PTPRD: variants seen among roughly 807,000 people sequenced by gnomAD.
PTPRD encodes the protein protein tyrosine phosphatase receptor type D.
Under a neutral mutation model 214.5 loss-of-function variants are expected in PTPRD, and 34 were observed. The ratio of observed to expected loss-of-function variants is 0.16; its 90% CI spans 0.12 to 0.21. PTPRD has a LOEUF of 0.21. Ranked by LOEUF, PTPRD falls within the 10% of genes least tolerant of loss-of-function variation. The pLI, the probability that PTPRD is intolerant of heterozygous loss-of-function variation, is 1.00. For missense variants in PTPRD, 2,545 were observed against 2,398.7 expected (o/e 1.06, Z -1.27); for synonymous variants, 1,128 against 845.7 (o/e 1.33, Z -5.79).
chr9:9,177,783 G>T (rs1349960375), intron 10 of PTPRD, among the ~76,000 whole-genome samples: 1 of 151,988 alleles, frequency 6.6e-6, no homozygotes, highest in African/African-American at 2.4e-5. Flanking sequence ...CTATAAAAAT[G>T]GCTTTGTACT....
intron 9 of PTPRD, among the ~76,000 whole-genome samples, chr9:9,226,308 G>T (rs558990716): frequency 6.6e-6 from 1 of 151,694 alleles, no homozygotes; most frequent in South Asian, 2.1e-4. Context: ...GCTATTATTT[G>T]GATGAAAAAT....
At chr9:9,669,366 C>T (rs1038291671) in intron 7 of PTPRD, among the ~76,000 whole-genome samples, 12 of 152,116 alleles carry the variant, frequency 7.9e-5, no homozygotes, top group East Asian at 3.9e-4. Context: ...CTGGACCAAA[C>T]GTAGGTAATC....
intron 11 of PTPRD, among the ~76,000 whole-genome samples, chr9:8,774,277 T>A (rs996408128): frequency 1.4e-4 from 21 of 152,106 alleles, no homozygotes; most frequent in African/African-American, 4.6e-4. Flanking sequence ...TAGCATACCT[T>A]ATAAGAAATT....
chr9:9,692,788 T>C (rs1356846547), intron 7 of PTPRD, among the ~76,000 whole-genome samples: 2 of 152,016 alleles, frequency 1.3e-5, no homozygotes, highest in African/African-American at 4.8e-5. Flanking sequence ...TTTTTTTTAG[T>C]GGCCTCTTAA....
chr9:9,837,580 T>C (rs1039787851), intron 5 of PTPRD, among the ~76,000 whole-genome samples: 1 of 152,058 alleles, frequency 6.6e-6, no homozygotes, highest in Non-Finnish European at 1.5e-5. Flanking sequence ...TTTTGACTTT[T>C]GATGGGGTAA....
At chr9:9,524,005 TG>T (rs1284650930) in intron 8 of PTPRD, among the ~76,000 whole-genome samples, 1 of 152,122 alleles carries the variant, frequency 6.6e-6, no homozygotes, top group African/African-American at 2.4e-5. Flanking sequence ...CAATCATTCA[TG>T]GATGGACAAA....
chr9:10,374,736 GA>G (rs917747452), intron 2 of PTPRD, among the ~76,000 whole-genome samples: 1 of 151,888 alleles, frequency 6.6e-6, no homozygotes, highest in Non-Finnish European at 1.5e-5. Context: ...CACTTGATTA[GA>G]AAAAAATGAA....
At chr9:8,773,507 T>C (rs1324503047) in intron 11 of PTPRD, among the ~76,000 whole-genome samples, 4 of 152,208 alleles carry the variant, frequency 2.6e-5, no homozygotes, top group African/African-American at 7.2e-5. Context: ...TGAGGACCAC[T>C]GTTGCATGTA....
chr9:9,243,717 T>A (rs1383422497), intron 9 of PTPRD, among the ~76,000 whole-genome samples: 2 of 152,156 alleles, frequency 1.3e-5, no homozygotes, highest in Non-Finnish European at 2.9e-5. Context: ...GCATTCCCCT[T>A]GAAAACTGGC....
Position 8,331,569 on chromosome 9 carries a change from A to AATGGAAACTT in PTPRD, c.5534+3_5534+12dup. On this transcript the variant is annotated intron_variant, in intron 44 of 45. Coordinates refer to ENST00000381196, the MANE Select transcript of PTPRD (RefSeq NM_002839.4). Reference sequence around the variant, plus strand: ...ACCACTTATCACTGCTTTATTCACAAATGGAAACTTACCTGCAATGGACTG... The same window carrying AATGGAAACTT: ...ACCACTTATCACTGCTTTATTCACAAATGGAAACTTATGGAAACTTACCTGCAATGGACTG... The AATGGAAACTT allele has an allele frequency of 6.3e-7, 1 of 1,598,554 alleles. No homozygotes were observed. The highest frequency in any genetic ancestry group is 8.5e-7 in the Non-Finnish European group (1 of 1,174,282).
chr9:8,886,410 G>A (rs1271526590), intron 11 of PTPRD, among the ~76,000 whole-genome samples: 1 of 152,076 alleles, frequency 6.6e-6, no homozygotes, highest in Non-Finnish European at 1.5e-5. Flanking sequence ...TATAGCATAT[G>A]GTTATTATGT....
intron 3 of PTPRD, among the ~76,000 whole-genome samples, chr9:10,211,648 C>T (rs1315729379): frequency 6.6e-6 from 1 of 152,032 alleles, no homozygotes; most frequent in African/African-American, 2.4e-5. Flanking sequence ...GTCTTTTGCC[C>T]CAACATGGAT....
chr9:10,176,201 A>G (rs1212390446), intron 3 of PTPRD, among the ~76,000 whole-genome samples: 1 of 151,910 alleles, frequency 6.6e-6, no homozygotes, highest in Non-Finnish European at 1.5e-5. Context: ...TAAATCCAGT[A>G]TTTTATTTGA....
chr9:9,117,604 A>G (rs2099813635), intron 10 of PTPRD, among the ~76,000 whole-genome samples: 1 of 152,220 alleles, frequency 6.6e-6, no homozygotes, highest in East Asian at 1.9e-4. Flanking sequence ...TGTACATGCC[A>G]AGAGCCATGC....
chr9:9,547,676 C>T (rs1353082902), intron 8 of PTPRD, among the ~76,000 whole-genome samples: 2 of 151,898 alleles, frequency 1.3e-5, no homozygotes, highest in Non-Finnish European at 2.9e-5. Flanking sequence ...ATATTTAGCC[C>T]TTCTGACAAT....
At chr9:9,929,732 C>T (rs2085702767) in intron 5 of PTPRD, among the ~76,000 whole-genome samples, 1 of 152,062 alleles carries the variant, frequency 6.6e-6, no homozygotes, top group Non-Finnish European at 1.5e-5. Context: ...GAGACAGGGC[C>T]TGGATAAGGT....
intron 7 of PTPRD, among the ~76,000 whole-genome samples, chr9:9,693,251 TC>T (rs1380241915): frequency 1.3e-5 from 2 of 152,090 alleles, no homozygotes; most frequent in African/African-American, 4.8e-5. Context: ...TGAATTGTAA[TC>T]CCCTGTGTTT....
chr9:8,453,591 C>T (rs1279707387), intron 33 of PTPRD, among the ~76,000 whole-genome samples: 2 of 152,242 alleles, frequency 1.3e-5, no homozygotes, highest in Admixed American at 6.5e-5. Context: ...ACAAAGAAGA[C>T]ACCCTCATAG....
chr9:9,994,618 C>G (rs551737374), intron 4 of PTPRD, among the ~76,000 whole-genome samples: 1 of 151,968 alleles, frequency 6.6e-6, no homozygotes, highest in Non-Finnish European at 1.5e-5. Flanking sequence ...AAAAAACAAA[C>G]AGAAAATTAC....
Sources: allele counts gnomAD v4.1 joint callset (sites outside exome capture counted in the v4.1 genomes callset), GRCh38; gene constraint gnomAD v4.1.1; transcripts MANE v1.5; gene names NCBI Gene and HGNC (gene_info 2026-07-23, HGNC 2026-07-21).